Variants in RALB observed in about 807,000 individuals in gnomAD.
The protein encoded by RALB is RAS like proto-oncogene B.
Under a neutral mutation model 21.3 loss-of-function variants are expected in RALB, and 16 were observed. That is an observed-to-expected ratio of 0.75 (90% CI 0.51 to 1.14). The LOEUF (loss-of-function observed/expected upper bound fraction) is 1.14. Among genes scored for constraint, RALB ranks in the 50% most tolerant of loss-of-function variants. The pLI, the probability that RALB is intolerant of heterozygous loss-of-function variation, is 0.00. For missense variants in RALB, 161 were observed against 256.2 expected (o/e 0.63, Z 2.54); for synonymous variants, 93 against 96.1 (o/e 0.97, Z 0.19).
At chr2:120,240,109 G>C (rs1688867164) in exon 1 of RALB, 2 of 1,289,720 alleles carry the variant, frequency 1.6e-6, no homozygotes, top group Non-Finnish European at 2.0e-6. Flanking sequence ...GTCTCTGCAT[G>C]AAACAGCGGC....
At chr2:120,259,639 A>G (rs1248216364) in intron 1 of RALB, among the ~76,000 whole-genome samples, 1 of 152,234 alleles carries the variant, frequency 6.6e-6, no homozygotes, top group Non-Finnish European at 1.5e-5. Flanking sequence ...CGAGCTAGAT[A>G]TAAAGACTCT....
chr2:120,244,327 C>T (rs1411111627), intron 1 of RALB, among the ~76,000 whole-genome samples: 1 of 152,156 alleles, frequency 6.6e-6, no homozygotes, highest in Non-Finnish European at 1.5e-5. Context: ...CCGGCTCTGC[C>T]GAGACACATG....
rs547254327 is a variant in RALB at position 120,293,851 on chromosome 2, C to A, written c.*591C>A. 3.5e-6 allele frequency: 1 copy of A among 281,988 alleles called. No individual in the cohort carries two copies. The highest frequency in any genetic ancestry group is 6.5e-6 in the Non-Finnish European group (1 of 153,662). 17.5% of individuals were successfully genotyped at this position (281,988 alleles called of 1,614,324 possible). A position where few individuals can be genotyped will look rare whatever the true frequency, so the allele number is the denominator to read the frequency against. ...GGTCAATACCAAGCTTCTGATTCCT[C>A]CTCACATATGAAAAGTGAAAGTTGT... is the stretch of plus-strand genomic sequence containing the variant. On this transcript the variant is annotated 3_prime_UTR_variant, in exon 5 of 5. Coordinates refer to ENST00000272519, the MANE Select transcript of RALB (RefSeq NM_002881.3).
chr2:120,247,890 C>G (rs1688996910), upstream of RALB, among the ~76,000 whole-genome samples: 1 of 152,216 alleles, frequency 6.6e-6, no homozygotes, highest in African/African-American at 2.4e-5. Context: ...CTCTAAAGAC[C>G]TCCCACAGCC....
intron 1 of RALB, among the ~76,000 whole-genome samples, chr2:120,262,365 A>G (rs1468212984): frequency 1.3e-5 from 2 of 152,190 alleles, no homozygotes; most frequent in African/African-American, 2.4e-5. Context: ...GGGCACACCC[A>G]GGTCTCAGAG....
In RALB at chr2:120,294,679, T is replaced by C. The variant is rs1395479696; in HGVS notation, c.*1419T>C. On this transcript the variant is annotated 3_prime_UTR_variant, in exon 5 of 5. Transcript: ENST00000272519. ...TATCCCCTCCCAAAGAATCATGGGC[T>C]TTTTTTTTGAATAAAAAAGCAGACA... 6.4e-6 allele frequency: 1 copy of C among 156,770 alleles called. No homozygotes were observed. The highest frequency in any genetic ancestry group is 6.6e-5 in the Admixed American group (1 of 15,222). 9.7% of individuals were successfully genotyped at this position (156,770 alleles called of 1,614,324 possible). A position where few individuals can be genotyped will look rare whatever the true frequency, so the allele number is the denominator to read the frequency against.
intron 1 of RALB, among the ~76,000 whole-genome samples, chr2:120,275,147 T>G (rs375494930): frequency 2.0e-5 from 3 of 152,206 alleles, no homozygotes; most frequent in African/African-American, 7.2e-5. Context: ...GTCATTTTCC[T>G]CTGTTGGCGC....
At chr2:120,289,029 A>G (rs1327921557) in intron 3 of RALB, among the ~76,000 whole-genome samples, 2 of 152,146 alleles carry the variant, frequency 1.3e-5, no homozygotes, top group African/African-American at 4.8e-5. Flanking sequence ...GTTCTGTTCT[A>G]TAATCTATTT....
At chr2:120,254,819 T>G (rs936041849) in intron 1 of RALB, among the ~76,000 whole-genome samples, 29 of 152,004 alleles carry the variant, frequency 1.9e-4, no homozygotes, top group African/African-American at 6.5e-4. Flanking sequence ...CTTGGTACAG[T>G]CTTGCACCAC....
At position 120,279,259 on chromosome 2, in the gene RALB, G is replaced by A. The variant is rs767317594; in HGVS notation, c.114+481G>A. On this transcript the variant is annotated intron_variant, in intron 2 of 4. Coordinates refer to ENST00000272519, the MANE Select transcript of RALB (RefSeq NM_002881.3). ...TGCACTATCCTTGCCCAAAATTTAC[G>A]TCACCTACTTAATGTGGATAACATC... Among the ~76,000 whole-genome samples the A allele has an allele frequency of 2.8e-4, 43 of 152,138 alleles. 1 individual carries two copies. Among genetic ancestry groups the A allele is most frequent in the Admixed American group, 1.3e-4 (2 of 15,284 alleles).
At chr2:120,256,017 T>C (rs1689191927) in intron 1 of RALB, among the ~76,000 whole-genome samples, 1 of 152,214 alleles carries the variant, frequency 6.6e-6, no homozygotes, top group African/African-American at 2.4e-5. Context: ...GAATGAGTTT[T>C]CTGTTGCTGC....
intron 1 of RALB, among the ~76,000 whole-genome samples, chr2:120,263,362 T>C (rs1310464477): frequency 6.6e-6 from 1 of 152,114 alleles, no homozygotes; most frequent in African/African-American, 2.4e-5. Flanking sequence ...TTTTGCCACG[T>C]TGCCCAGGCT....
intron 1 of RALB, among the ~76,000 whole-genome samples, chr2:120,266,544 G>A (rs950280413): frequency 1.3e-5 from 2 of 152,102 alleles, no homozygotes; most frequent in Non-Finnish European, 2.9e-5. Context: ...ACTGTGCCCT[G>A]CCAAAATTTT....
chr2:120,272,869 G>A (rs189183601), intron 1 of RALB, among the ~76,000 whole-genome samples: 1 of 152,030 alleles, frequency 6.6e-6, no homozygotes, highest in Non-Finnish European at 1.5e-5. Flanking sequence ...TTATTATCTT[G>A]TACTGTAATC....
intron 1 of RALB, among the ~76,000 whole-genome samples, chr2:120,254,972 T>C (rs1243134523): frequency 6.6e-6 from 1 of 152,240 alleles, no homozygotes; most frequent in African/African-American, 2.4e-5. Context: ...CCACCCCGTC[T>C]GGCAGGGATA....
chr2:120,287,346 G>A (rs79742700), intron 3 of RALB, among the ~76,000 whole-genome samples: 12,202 of 152,294 alleles, frequency 0.08, 652 homozygotes, highest in Non-Finnish European at 0.12. Context: ...AGCAGAGTGC[G>A]TGTGGTGCAG....
chr2:120,248,005 A>G (rs780634855), upstream of RALB, among the ~76,000 whole-genome samples: 4 of 152,166 alleles, frequency 2.6e-5, no homozygotes, highest in Non-Finnish European at 5.9e-5. Flanking sequence ...CATGCCTGAG[A>G]ACAGGACCAG....
intron 1 of RALB, among the ~76,000 whole-genome samples, chr2:120,261,088 T>A (rs1573329069): frequency 6.6e-6 from 1 of 152,168 alleles, no homozygotes; most frequent in Non-Finnish European, 1.5e-5. Context: ...AAACTATGCA[T>A]TAAAGTTTGA....
intron 1 of RALB, among the ~76,000 whole-genome samples, chr2:120,260,757 A>G (rs1439680787): frequency 6.6e-6 from 1 of 152,264 alleles, no homozygotes; most frequent in Admixed American, 6.5e-5. Flanking sequence ...CTTTCCAGGC[A>G]GCGTTTTGTC....
Sources: allele counts gnomAD v4.1 joint callset (sites outside exome capture counted in the v4.1 genomes callset), GRCh38; gene constraint gnomAD v4.1.1; transcripts MANE v1.5; gene names NCBI Gene and HGNC (gene_info 2026-07-23, HGNC 2026-07-21).